ZRANB3: variants seen among roughly 807,000 people sequenced by gnomAD.
ZRANB3 encodes the protein DNA annealing helicase and endonuclease ZRANB3.
In ZRANB3, 125 loss-of-function variants were observed where a neutral mutation model predicts 133.8. The ratio of observed to expected loss-of-function variants is 0.93; its 90% CI spans 0.81 to 1.08. ZRANB3 has a LOEUF of 1.08. ZRANB3 is among the 50% of genes least tolerant of loss of function. ZRANB3 has a pLI of 0.00. For synonymous variants in ZRANB3, 387 were observed against 432.7 expected, an observed-to-expected ratio of 0.89 and a Z score of 1.31; for missense variants, 1,229 against 1,275.5, an observed-to-expected ratio of 0.96 and a Z score of 0.56.
chr2:135,501,751 T>C (rs939919772), intron 2 of ZRANB3, among the ~76,000 whole-genome samples: 5 of 152,204 alleles, frequency 3.3e-5, no homozygotes, highest in Non-Finnish European at 1.5e-5. Context: ...ATGTTCTACA[T>C]TCTGGATTAG....
intron 1 of ZRANB3, among the ~76,000 whole-genome samples, chr2:135,524,130 A>C (rs1030459043): frequency 1.3e-5 from 2 of 151,934 alleles, no homozygotes; most frequent in Admixed American, 1.3e-4. Flanking sequence ...CTTGTTGCCC[A>C]GGCTGGAGTG....
intron 3 of ZRANB3, among the ~76,000 whole-genome samples, chr2:135,366,741 G>A (rs1319055405): frequency 4.6e-5 from 7 of 152,064 alleles, no homozygotes; most frequent in South Asian, 2.1e-4. Context: ...TTTTTAGGCC[G>A]GGCGTGGTGG....
intron 2 of ZRANB3, among the ~76,000 whole-genome samples, chr2:135,470,018 A>G (rs1691183537): frequency 6.8e-6 from 1 of 147,414 alleles, no homozygotes; most frequent in South Asian, 2.1e-4. Flanking sequence ...ACCTCAAAAA[A>G]AAAAAAAAAG....
chr2:135,211,312 G>A lies in ZRANB3; in HGVS notation c.2496-2334C>T, dbSNP rs1463869958. Among the ~76,000 whole-genome samples the A allele has an allele frequency of 7.9e-5, 12 of 152,206 alleles. No individual in the cohort carries two copies. In the East Asian group the frequency reaches 1.6e-3, roughly 20 times the overall value. On this transcript the variant is annotated intron_variant, in intron 17 of 20. Transcript: ENST00000264159. ...TCCCGGCACTTTGAGAGGCCAAGGC[G>A]GGTGGATCATTTGAGGTCAGAAGTT...
chr2:135,327,414 T>C (rs1175906689), intron 6 of ZRANB3, among the ~76,000 whole-genome samples: 1 of 151,878 alleles, frequency 6.6e-6, no homozygotes, highest in African/African-American at 2.4e-5. Context: ...AAAGCAGCAA[T>C]AGCTATATAG....
chr2:135,483,634 T>C (rs1428354307), intron 2 of ZRANB3, among the ~76,000 whole-genome samples: 8 of 152,110 alleles, frequency 5.3e-5, no homozygotes, highest in African/African-American at 1.2e-4. Flanking sequence ...CTGATTTTAA[T>C]ATTTCTTGCC....
intron 3 of ZRANB3, among the ~76,000 whole-genome samples, chr2:135,366,268 A>G (rs941934808): frequency 3.3e-5 from 5 of 152,126 alleles, no homozygotes; most frequent in African/African-American, 4.8e-5. Context: ...TCTCGTATAT[A>G]TTAAAAAGAG....
chr2:135,224,300 GA>G, intron 15 of ZRANB3, 125 bp downstream of exon 15: 4 of 736,466 alleles, frequency 5.4e-6, no homozygotes, highest in Non-Finnish European at 8.5e-6. Flanking sequence ...AGAAATTTGA[GA>G]ATTAGCTTTG....
intron 6 of ZRANB3, among the ~76,000 whole-genome samples, chr2:135,341,101 A>T (rs1355349628): frequency 1.3e-5 from 2 of 149,712 alleles, no homozygotes; most frequent in Non-Finnish European, 2.9e-5. Flanking sequence ...ATCTCGGCTC[A>T]CTGAAAGCTC....
intron 2 of ZRANB3, among the ~76,000 whole-genome samples, chr2:135,474,048 G>A (rs1691394271): frequency 2.6e-5 from 4 of 151,992 alleles, no homozygotes; most frequent in African/African-American, 9.7e-5. Context: ...AAAAATAGCA[G>A]GGTGTGGTGG....
chr2:135,330,686 C>CT (rs112938979), intron 6 of ZRANB3, among the ~76,000 whole-genome samples: 4 of 151,726 alleles, frequency 2.6e-5, no homozygotes, highest in African/African-American at 7.3e-5. Context: ...TGGTCCTGGA[C>CT]TTTTTTTTGG....
chr2:135,260,911 CTA>C (rs1192343396), intron 12 of ZRANB3, among the ~76,000 whole-genome samples: 2 of 143,874 alleles, frequency 1.4e-5, no homozygotes, highest in East Asian at 3.9e-4. Context: ...ATATTGTATA[CTA>C]TATATAAAGA....
chr2:135,390,945 C>G, intron 2 of ZRANB3, 125 bp from the exon 3 acceptor site: 1 of 986,318 alleles, frequency 1.0e-6, no homozygotes, highest in Non-Finnish European at 1.4e-6. Flanking sequence ...ACTGCAACCT[C>G]TGTCTCCCAG....
rs778471481 is a variant in ZRANB3, at chr2:135,271,849, T to G, written c.1125A>C (p.Ser375=). ...ACTGATTAACCAGATGTATTCTTTC[T>G]GAAGATGAAACACTTCCATCTATCC... ...YIRIDGSVSS[S]ERIHLVNQFQ... is the part of the protein sequence containing the mutation. The change falls in exon 10 of 21, where the codon TCA becomes TCC. Residue 375 remains serine, a synonymous_variant. Transcript: ENST00000264159. 5.9e-5 allele frequency: 95 copies of G among 1,613,650 alleles called. No homozygotes were observed. The highest frequency in any genetic ancestry group is 7.6e-5 in the Non-Finnish European group (90 of 1,179,826).
At chr2:135,302,918 T>C (rs1262390216) in intron 8 of ZRANB3, among the ~76,000 whole-genome samples, 3 of 152,212 alleles carry the variant, frequency 2.0e-5, no homozygotes, top group East Asian at 1.9e-4. Context: ...TTCAGTATTA[T>C]ATACAAAGAA....
chr2:135,364,707 G>A (rs1685845109), intron 3 of ZRANB3, among the ~76,000 whole-genome samples: 1 of 152,080 alleles, frequency 6.6e-6, no homozygotes, highest in African/African-American at 2.4e-5. Context: ...AGCTGAGATT[G>A]CACCACTGCT....
At chr2:135,210,532 A>G (rs1054155788) in intron 17 of ZRANB3, among the ~76,000 whole-genome samples, 17 of 152,196 alleles carry the variant, frequency 1.1e-4, no homozygotes, top group African/African-American at 4.1e-4. Flanking sequence ...GGAATTTGCC[A>G]TGTTGGCCAG....
intron 12 of ZRANB3, among the ~76,000 whole-genome samples, chr2:135,262,090 G>A (rs568361908): frequency 2.0e-5 from 3 of 149,672 alleles, no homozygotes; most frequent in African/African-American, 4.9e-5. Context: ...AACCTAGGAG[G>A]TGGAGGTTGC....
In ZRANB3 at chr2:135,416,905, T is replaced by C. The variant is rs1342311190; in HGVS notation, c.162-26085A>G. 4.6e-5 allele frequency among the ~76,000 whole-genome samples: 7 copies of C among 152,280 alleles called. No individual in the cohort carries two copies. The South Asian group carries it at 1.4e-3, about 32-fold the overall frequency. ...TGGTGCTGGGAAAACTGGCTAGCCATATGTAAAAAGCTGAAACTGGATCCC... is the reference window on the plus strand; with the variant it reads ...TGGTGCTGGGAAAACTGGCTAGCCACATGTAAAAAGCTGAAACTGGATCCC... On this transcript the variant is annotated intron_variant, in intron 2 of 20. Transcript: ENST00000264159.
Sources: allele counts gnomAD v4.1 joint callset (sites outside exome capture counted in the v4.1 genomes callset), GRCh38; gene constraint gnomAD v4.1.1; transcripts MANE v1.5; gene names NCBI Gene and HGNC (gene_info 2026-07-23, HGNC 2026-07-21).